SGCD: variants seen among roughly 807,000 people sequenced by gnomAD.
The protein encoded by SGCD is sarcoglycan delta.
A neutral mutation model predicts 36.6 loss-of-function variants in SGCD; 18 were observed. The ratio of observed to expected loss-of-function variants is 0.49; its 90% CI spans 0.34 to 0.73. The LOEUF (loss-of-function observed/expected upper bound fraction) is 0.73, where lower values mean the gene tolerates loss of function less well. SGCD is among the 30% of genes least tolerant of loss of function. SGCD has a pLI of 0.01. For missense variants in SGCD, 387 were observed against 346.7 expected, an observed-to-expected ratio of 1.12 and a Z score of -0.92; for synonymous variants, 133 against 130.6, an observed-to-expected ratio of 1.02 and a Z score of -0.12.
chr5:156,631,041 T>C (rs1186584540), intron 6 of SGCD, among the ~76,000 whole-genome samples: 1 of 152,186 alleles, frequency 6.6e-6, no homozygotes, highest in African/African-American at 2.4e-5. Context: ...AATATGGTCA[T>C]AGATATTCTG....
intron 3 of SGCD, among the ~76,000 whole-genome samples, chr5:156,460,946 C>G (rs1165748843): frequency 6.6e-6 from 1 of 152,048 alleles, no homozygotes; most frequent in Non-Finnish European, 1.5e-5. Context: ...GATTTGGCCA[C>G]AGAAATAATG....
intron 4 of SGCD, among the ~76,000 whole-genome samples, chr5:156,573,414 A>C (rs1054724816): frequency 4.6e-5 from 7 of 152,202 alleles, no homozygotes; most frequent in African/African-American, 1.7e-4. Context: ...TGCCCCACCC[A>C]GGTGAACCTG....
chr5:155,777,432 C>G, the SGCD span, among the ~76,000 whole-genome samples: 1 of 150,948 alleles, frequency 6.6e-6, no homozygotes, highest in Non-Finnish European at 1.5e-5. Context: ...TTATTGTTCA[C>G]TGCAACTTCT....
chr5:156,024,889 C>T (rs945635525), intron 1 of SGCD, among the ~76,000 whole-genome samples: 2 of 150,250 alleles, frequency 1.3e-5, no homozygotes, highest in African/African-American at 4.9e-5. Flanking sequence ...ACCCTGGAGG[C>T]AGAGGTTGCA....
intron 1 of SGCD, among the ~76,000 whole-genome samples, chr5:156,116,185 T>A (rs1225031397): frequency 6.6e-6 from 1 of 152,102 alleles, no homozygotes; most frequent in Non-Finnish European, 1.5e-5. Context: ...AAAATAATGA[T>A]CTGGTTCTCC....
chr5:155,750,010 T>G, the SGCD span, among the ~76,000 whole-genome samples: 1 of 152,226 alleles, frequency 6.6e-6, no homozygotes, highest in South Asian at 2.1e-4. Context: ...TATGAATCAT[T>G]CTTGTTGTTT....
chr5:156,213,402 C>A (rs545225708), intron 3 of SGCD, among the ~76,000 whole-genome samples: 1 of 151,956 alleles, frequency 6.6e-6, no homozygotes, highest in Non-Finnish European at 1.5e-5. Context: ...ATACAACCTA[C>A]CATGACCAAA....
chr5:156,050,576 A>T (rs1344082094), intron 1 of SGCD, among the ~76,000 whole-genome samples: 1 of 146,526 alleles, frequency 6.8e-6, no homozygotes, highest in Non-Finnish European at 1.5e-5. Context: ...CAAACTATAT[A>T]GCTCTCTTTA....
At chr5:156,466,834 A>G (rs779494625) in intron 3 of SGCD, among the ~76,000 whole-genome samples, 30 of 152,210 alleles carry the variant, frequency 2.0e-4, no homozygotes, top group Non-Finnish European at 3.5e-4. Context: ...TTTAACATAC[A>G]TTTGATTTAT....
intron 6 of SGCD, among the ~76,000 whole-genome samples, chr5:156,605,096 A>G (rs1761374481): frequency 6.6e-6 from 1 of 152,028 alleles, no homozygotes; most frequent in Non-Finnish European, 1.5e-5. Flanking sequence ...CATGTGCACA[A>G]CGTGCAGGTT....
At chr5:155,823,124 A>G in the SGCD span, among the ~76,000 whole-genome samples, 1 of 148,482 alleles carries the variant, frequency 6.7e-6, no homozygotes, top group Non-Finnish European at 1.5e-5. Flanking sequence ...CTGGCTAGCT[A>G]TCTAGCTACC....
chr5:155,935,262 CTT>C (rs1757171529), intron 1 of SGCD, among the ~76,000 whole-genome samples: 1 of 152,094 alleles, frequency 6.6e-6, no homozygotes, highest in Non-Finnish European at 1.5e-5. Context: ...ATCCTAGTGA[CTT>C]TTGTTTATTC....
intron 2 of SGCD, 86 bp from the exon 3 acceptor site, chr5:156,344,403 A>G (rs1768830874): frequency 1.1e-6 from 1 of 910,802 alleles, no homozygotes; most frequent in Non-Finnish European, 1.7e-6. Flanking sequence ...ATATCTCTTC[A>G]TCAGTTGATT....
At chr5:155,875,277 G>A (rs1755740773) in intron 1 of SGCD, among the ~76,000 whole-genome samples, 1 of 152,088 alleles carries the variant, frequency 6.6e-6, no homozygotes, top group Non-Finnish European at 1.5e-5. Context: ...TCTTAGGTCT[G>A]ATGGATATGT....
At chr5:156,231,182 C>T (rs1043347284) in intron 3 of SGCD, among the ~76,000 whole-genome samples, 11 of 152,158 alleles carry the variant, frequency 7.2e-5, no homozygotes, top group African/African-American at 2.4e-4. Context: ...AGCTTGCTTT[C>T]CTTTCTTGGA....
At chr5:156,527,626 A>G (rs1279727107) in intron 4 of SGCD, among the ~76,000 whole-genome samples, 2 of 152,176 alleles carry the variant, frequency 1.3e-5, no homozygotes, top group South Asian at 2.1e-4. Flanking sequence ...TGAACCATCT[A>G]TCTGTGAAAG....
intron 1 of SGCD, among the ~76,000 whole-genome samples, chr5:156,040,521 C>G (rs561327409): frequency 6.4e-4 from 97 of 152,234 alleles, no homozygotes; most frequent in African/African-American, 2.3e-3. Context: ...TTTAGGGCAG[C>G]CAGCACTACT....
chr5:156,412,996 A>C (rs1772851926), intron 3 of SGCD, among the ~76,000 whole-genome samples: 1 of 151,204 alleles, frequency 6.6e-6, no homozygotes, highest in Non-Finnish European at 1.5e-5. Context: ...ACGGGGTTTC[A>C]CCTTGTTAGC....
chr5:156,012,842 G>A (rs998066847), intron 1 of SGCD, among the ~76,000 whole-genome samples: 35 of 151,886 alleles, frequency 2.3e-4, no homozygotes, highest in African/African-American at 8.2e-4. Context: ...TCGATTTCCT[G>A]ACCTCGTGAT....
Sources: allele counts gnomAD v4.1 joint callset (sites outside exome capture counted in the v4.1 genomes callset), GRCh38; gene constraint gnomAD v4.1.1; transcripts MANE v1.5; gene names NCBI Gene and HGNC (gene_info 2026-07-23, HGNC 2026-07-21).